The following CLSTN1 variants were observed in gnomAD, a reference collection of about 807,000 sequenced individuals.
CLSTN1 encodes calsyntenin-1.
Under a neutral mutation model 108.3 loss-of-function variants are expected in CLSTN1, and 28 were observed. That is an observed-to-expected ratio of 0.26 (90% confidence interval 0.19 to 0.35). CLSTN1 has a LOEUF of 0.35. Ranked by LOEUF, CLSTN1 falls within the 10% of genes least tolerant of loss-of-function variation. The pLI, the probability that CLSTN1 is intolerant of heterozygous loss-of-function variation, is 1.00. For synonymous variants in CLSTN1, 524 were observed against 534.9 expected (o/e 0.98, Z 0.28); for missense variants, 1,157 against 1,302.6 (o/e 0.89, Z 1.72).
At chr1:9,797,142 G>T (rs948027995) in intron 1 of CLSTN1, among the ~76,000 whole-genome samples, 2 of 152,180 alleles carry the variant, frequency 1.3e-5, no homozygotes, top group African/African-American at 4.8e-5. Flanking sequence ...CTTGAGTCAG[G>T]AATTCTGTTA....
intron 1 of CLSTN1, among the ~76,000 whole-genome samples, chr1:9,778,223 A>AACACACACACACACACAC (rs57372437): frequency 1.3e-4 from 18 of 134,500 alleles, no homozygotes; most frequent in East Asian, 4.5e-4. Flanking sequence ...TCTCCTCCCC[A>AACACACACACACACACAC]ACACACACAC....
chr1:9,737,097 C>A (rs1650733300), intron 11 of CLSTN1, among the ~76,000 whole-genome samples: 1 of 152,042 alleles, frequency 6.6e-6, no homozygotes, highest in Non-Finnish European at 1.5e-5. Context: ...AGAGAGACGT[C>A]TATTTAAAAT....
At chr1:9,773,524 TTC>T in intron 1 of CLSTN1, 130 bp from the exon 2 acceptor site, 1 of 932,936 alleles carries the variant, frequency 1.1e-6, no homozygotes, top group Non-Finnish European at 1.5e-6. Flanking sequence ...GTGCTCACAG[TTC>T]TGTCGCAAAA....
rs758112647 is a variant in CLSTN1 at position 9,735,611 on chromosome 1, T to C, written c.1739A>G (p.Gln580Arg). 6.2e-7 allele frequency: 1 copy of C among 1,614,056 alleles called. No individual in the cohort carries two copies. Among genetic ancestry groups the C allele is most frequent in the East Asian group, 2.2e-5 (1 of 44,868 alleles). The change falls in exon 13 of 19, where the codon CAA (glutamine) becomes CGA (arginine). Residue 580 changes from glutamine (Q) to arginine (R), a missense_variant. Coordinates refer to ENST00000377298, the MANE Select transcript of CLSTN1 (RefSeq NM_001009566.3). ...CAATACCAACTGGCTGGGGTGTGCTTGGATCTGAAATCACACCAGCCACAG... is the reference window on the plus strand; with the variant it reads ...CAATACCAACTGGCTGGGGTGTGCTCGGATCTGAAATCACACCAGCCACAG... The part of the protein sequence containing the change: ...LEDSGRGVQI[Q>R]AHPSQLVLTL...
In CLSTN1 at chr1:9,730,247, G is replaced by A; in HGVS notation, c.*261C>T. The A allele has an allele frequency of 1.8e-6, 1 of 557,560 alleles. No individual in the cohort carries two copies. Among genetic ancestry groups the A allele is most frequent in the Non-Finnish European group, 3.2e-6 (1 of 309,518 alleles). 34.5% of individuals were successfully genotyped at this position (557,560 alleles called of 1,614,324 possible). A position where few individuals can be genotyped will look rare whatever the true frequency, so the allele number is the denominator to read the frequency against. ...CTCCAGACACAAACGCGGGGCCTGA[G>A]GCGCTGGGAGGCCCCTGTGCGAGCC... On this transcript the variant is annotated 3_prime_UTR_variant, in exon 19 of 19. Transcript: ENST00000377298. The surrounding 1 kb of genome is among the most constrained non-coding windows in gnomAD (Gnocchi z 5.6).
At chr1:9,791,141 C>CAAAA (rs139466878) in intron 1 of CLSTN1, among the ~76,000 whole-genome samples, 4 of 74,038 alleles carry the variant, frequency 5.4e-5, no homozygotes, top group East Asian at 1.1e-3. Context: ...GACTCTATCT[C>CAAAA]AAAAAAAAAA....
chr1:9,742,133 T>C (rs970953079), intron 9 of CLSTN1, among the ~76,000 whole-genome samples: 2 of 152,200 alleles, frequency 1.3e-5, no homozygotes, highest in Admixed American at 6.5e-5. Context: ...CTCAAACAAA[T>C]TGTAAACACA....
intron 1 of CLSTN1, among the ~76,000 whole-genome samples, chr1:9,819,218 A>G (rs1057075742): frequency 3.9e-5 from 6 of 152,200 alleles, no homozygotes; most frequent in South Asian, 2.1e-4. Context: ...TCAGATCTCT[A>G]TTTTGTTTCA....
chr1:9,773,178 T>A, intron 2 of CLSTN1, 94 bp downstream of exon 2: 1 of 1,542,912 alleles, frequency 6.5e-7, no homozygotes, highest in Admixed American at 1.8e-5. Context: ...ATGGAGACAT[T>A]TTCAGAAACG....
rs75578880 is a variant in CLSTN1, at chr1:9,768,044, T to C, written c.214+5228A>G. Among the ~76,000 whole-genome samples the C allele has an allele frequency of 9.2e-3, 1,395 of 152,234 alleles. 15 individuals carry two copies. Among genetic ancestry groups the C allele is most frequent in the East Asian group, 0.043 (222 of 5,184 alleles). ...TCTTATCCTTTTACAAATGATGAAA[T>C]GGAGGCACAGAAAGGGTAAGTAATT... On this transcript the variant is annotated intron_variant, in intron 2 of 18. Coordinates refer to ENST00000377298, the MANE Select transcript of CLSTN1 (RefSeq NM_001009566.3).
At chr1:9,803,296 C>A (rs1476210223) in intron 1 of CLSTN1, among the ~76,000 whole-genome samples, 10 of 152,104 alleles carry the variant, frequency 6.6e-5, no homozygotes, top group Non-Finnish European at 1.5e-5. Context: ...TAGGCAAAAA[C>A]CAGATCATTG....
At chr1:9,802,081 A>T (rs1654295928) in intron 1 of CLSTN1, among the ~76,000 whole-genome samples, 1 of 152,180 alleles carries the variant, frequency 6.6e-6, no homozygotes, top group African/African-American at 2.4e-5. Context: ...AGATGAAGAA[A>T]CTGAGGCATG....
intron 1 of CLSTN1, among the ~76,000 whole-genome samples, chr1:9,805,268 C>CA (rs1654457215): frequency 6.6e-6 from 1 of 152,168 alleles, no homozygotes; most frequent in Admixed American, 6.5e-5. Flanking sequence ...TATTTAGAAG[C>CA]AAATTACTGG....
chr1:9,820,178 G>A (rs1032889640), intron 1 of CLSTN1, among the ~76,000 whole-genome samples: 1 of 152,062 alleles, frequency 6.6e-6, no homozygotes, highest in Non-Finnish European at 1.5e-5. Flanking sequence ...CTGGCCCCAT[G>A]ATCCTTGAAA....
chr1:9,731,858 G>A lies in CLSTN1; in HGVS notation c.2466C>T (p.Ala822=). The change falls in exon 17 of 19, where the codon GCC becomes GCT. Residue 822 remains alanine, a synonymous_variant. Transcript: ENST00000377298. ...VIHTANPMEH[A]NHMAAQPQFV... is the part of the protein sequence containing the mutation. Reference sequence around the variant, plus strand: ...ACTGTGGCTGGGCAGCCATGTGGTTGGCGTGTTCCATGGGGTTGGCCGTGT... The same window carrying A: ...ACTGTGGCTGGGCAGCCATGTGGTTAGCGTGTTCCATGGGGTTGGCCGTGT... 6.2e-7 allele frequency: 1 copy of A among 1,614,136 alleles called. No individual in the cohort carries two copies. The highest frequency in any genetic ancestry group is 8.5e-7 in the Non-Finnish European group (1 of 1,180,016).
chr1:9,756,214 T>C (rs4525044), intron 3 of CLSTN1, among the ~76,000 whole-genome samples: 147,583 of 152,352 alleles, frequency 0.97, 71,496 homozygotes, highest in East Asian at 1. Flanking sequence ...AAAATTGTTA[T>C]AAAGCAAATC....
chr1:9,775,976 C>CT lies in CLSTN1; in HGVS notation c.92-2583dup, dbSNP rs748149329. On this transcript the variant is annotated intron_variant, in intron 1 of 18. Transcript: ENST00000377298. ...AGACCAGAACAAAGCTGCCTCCTCT[C>CT]TTTTTTTTTTTTTTGAGATGGAGCC... is the stretch of plus-strand genomic sequence containing the variant. Among the ~76,000 whole-genome samples, 830 of 144,388 alleles carry CT rather than the reference C, an allele frequency of 5.7e-3. 9 individuals carry two copies. Among genetic ancestry groups the CT allele is most frequent in the East Asian group, 0.039 (195 of 4,944 alleles). The allele number at this position is 144,388 out of a possible 152,430, so 94.7% of individuals were successfully genotyped here. A position where few individuals can be genotyped will look rare whatever the true frequency, so the allele number is the denominator to read the frequency against.
rs180841135 is a variant in CLSTN1 at position 9,787,442 on chromosome 1, C to T, written c.92-14048G>A. On this transcript the variant is annotated intron_variant, in intron 1 of 18. Coordinates refer to ENST00000377298, the MANE Select transcript of CLSTN1 (RefSeq NM_001009566.3). ...TTTTTGAGACGGAGTCTCACTCTGT[C>T]GCCCAGCCTGGAGTGCAGTGGTGTG... Among the ~76,000 whole-genome samples, 537 of 139,364 alleles carry T rather than the reference C, an allele frequency of 3.9e-3. 20 individuals carry two copies. In the East Asian group the frequency reaches 0.042, roughly 11 times the overall value. The allele number at this position is 139,364 out of a possible 152,430, so 91.4% of individuals were successfully genotyped here. A position where few individuals can be genotyped will look rare whatever the true frequency, so the allele number is the denominator to read the frequency against.
At chr1:9,783,719 A>C (rs1653354951) in intron 1 of CLSTN1, among the ~76,000 whole-genome samples, 1 of 151,830 alleles carries the variant, frequency 6.6e-6, no homozygotes, top group African/African-American at 2.4e-5. Context: ...TTGGCCGGGC[A>C]CAGTGGCTCA....
Sources: allele counts gnomAD v4.1 joint callset (sites outside exome capture counted in the v4.1 genomes callset), GRCh38; gene constraint gnomAD v4.1.1; non-coding constraint Gnocchi (gnomAD v3.1); transcripts MANE v1.5; gene names NCBI Gene and HGNC (gene_info 2026-07-23, HGNC 2026-07-21).